Variants in ASB2 observed in about 807,000 individuals in gnomAD.
ASB2 encodes the protein ankyrin repeat and SOCS box protein 2.
Under a neutral mutation model 62.4 loss-of-function variants are expected in ASB2, and 58 were observed. The ratio of observed to expected loss-of-function variants is 0.93; its 90% CI spans 0.75 to 1.16. ASB2 has a LOEUF of 1.16. Ranked by LOEUF, ASB2 falls within the 50% of genes most tolerant of loss-of-function variation. ASB2 has a pLI of 0.00. For missense variants in ASB2, 928 were observed against 887.9 expected (o/e 1.05, Z -0.57); for synonymous variants, 386 against 385.3 (o/e 1.00, Z -0.02).
chr14:93,947,291 C>T, intron 7 of ASB2, 58 bp downstream of exon 7: 1 of 1,588,216 alleles, frequency 6.3e-7, no homozygotes, highest in Non-Finnish European at 8.6e-7. Flanking sequence ...CTCCAATCCC[C>T]TACTCCCAGT....
chr14:93,955,413 G>A (rs180838638), intron 3 of ASB2: 130 of 327,834 alleles, frequency 4.0e-4, no homozygotes, highest in Non-Finnish European at 6.7e-4. Flanking sequence ...CAGCAAGGAC[G>A]ATGGGAAACT....
chr14:93,952,505 A>G (rs906598471), intron 5 of ASB2, among the ~76,000 whole-genome samples: 1 of 152,224 alleles, frequency 6.6e-6, no homozygotes, highest in East Asian at 1.9e-4. Flanking sequence ...AATTTTTCCA[A>G]GTACAAAGGC....
rs866413902 is a variant in ASB2, at chr14:93,957,336, C to A, written c.207-466G>T. 13 of 1,040,182 alleles carry A rather than the reference C, an allele frequency of 1.2e-5. No individual in the cohort carries two copies. The African/African-American group carries it at 2.2e-4, about 18-fold the overall frequency. 64.4% of individuals were successfully genotyped at this position (1,040,182 alleles called of 1,614,324 possible). ...GGATAGGGGAGCAAAGCTGAGAAGC[C>A]AAGCTGTACCTGTGCCCCCCACGCC... On this transcript the variant is annotated intron_variant, in intron 2 of 9. Coordinates refer to ENST00000555019, the MANE Select transcript of ASB2 (RefSeq NM_001202429.2).
chr14:93,939,011 G>A lies in ASB2; in HGVS notation c.1617+97C>T, dbSNP rs557536515. 225 of 1,122,054 alleles carry A rather than the reference G, an allele frequency of 2.0e-4. 1 individual carries two copies. The African/African-American group carries it at 3.5e-3, about 17-fold the overall frequency. The allele number at this position is 1,122,054 out of a possible 1,614,324, so 69.5% of individuals were successfully genotyped here. ...CACTAGTCCACGCTGCTCCCAAGGAGCGCGAACCACCCGGCCCCGCCCGCC... is the reference window on the plus strand; with the variant it reads ...CACTAGTCCACGCTGCTCCCAAGGAACGCGAACCACCCGGCCCCGCCCGCC... On this transcript the variant is annotated intron_variant, in intron 8 of 9. Transcript: ENST00000555019.
In ASB2 at chr14:93,963,208, T is replaced by C. The variant is rs570037500; in HGVS notation, c.206+1126A>G. Reference sequence around the variant, plus strand: ...ATCGGAAAAAGTCTGTTTGTTGTTGTTGTTATTTGAGAAGGAAGCTGAGGT... The same window carrying C: ...ATCGGAAAAAGTCTGTTTGTTGTTGCTGTTATTTGAGAAGGAAGCTGAGGT... On this transcript the variant is annotated intron_variant, in intron 2 of 9. Transcript: ENST00000555019. Among the ~76,000 whole-genome samples the C allele has an allele frequency of 1.4e-4, 22 of 152,330 alleles. No homozygotes were observed. The South Asian group carries it at 2.3e-3, about 16-fold the overall frequency.
At chr14:93,942,554 C>T (rs1888566784) in intron 7 of ASB2, among the ~76,000 whole-genome samples, 1 of 152,242 alleles carries the variant, frequency 6.6e-6, no homozygotes, top group Admixed American at 6.5e-5. Context: ...GGCTCCCACT[C>T]CAGGATTCTA....
chr14:93,936,057 C>A (rs1001340583), intron 9 of ASB2, among the ~76,000 whole-genome samples: 1 of 152,088 alleles, frequency 6.6e-6, no homozygotes, highest in Non-Finnish European at 1.5e-5. Flanking sequence ...GATGGGGAAA[C>A]CCTTAGGTAA....
At chr14:93,936,881 C>G (rs59785888) in intron 9 of ASB2, among the ~76,000 whole-genome samples, 2,469 of 152,310 alleles carry the variant, frequency 0.016, 71 homozygotes, top group African/African-American at 0.057. Flanking sequence ...TGCACAGATA[C>G]CCATTTCTGT....
chr14:93,964,273 A>T, intron 2 of ASB2, 61 bp downstream of exon 2: 1 of 1,442,870 alleles, frequency 6.9e-7, no homozygotes, highest in Non-Finnish European at 9.4e-7. Context: ...AGCATTAGGG[A>T]TCTACAGTCT....
At chr14:93,973,808 T>G (rs1213571900) in intron 1 of ASB2, 1 of 152,838 alleles carries the variant, frequency 6.5e-6, no homozygotes, top group Non-Finnish European at 1.5e-5. Context: ...CTGCCATCTG[T>G]GCCAGTGACC....
intron 1 of ASB2, among the ~76,000 whole-genome samples, chr14:93,971,614 C>T (rs967305640): frequency 1.3e-5 from 2 of 152,198 alleles, no homozygotes; most frequent in African/African-American, 2.4e-5. Context: ...CAGGTCACTA[C>T]GTCCCACTGC....
At chr14:93,956,962 G>C in intron 2 of ASB2, 92 bp from the exon 3 acceptor site, 1 of 1,580,808 alleles carries the variant, frequency 6.3e-7, no homozygotes, top group Non-Finnish European at 8.6e-7. Flanking sequence ...GATGGAGGGA[G>C]AGCCAGGGAG....
At chr14:93,935,706 C>T (rs906319630) in intron 9 of ASB2, among the ~76,000 whole-genome samples, 5 of 152,282 alleles carry the variant, frequency 3.3e-5, no homozygotes, top group African/African-American at 9.6e-5. Context: ...GGAGCAAGGG[C>T]GGAGGGCCAG....
intron 5 of ASB2, among the ~76,000 whole-genome samples, chr14:93,951,854 G>A (rs1235509184): frequency 6.6e-6 from 1 of 152,234 alleles, no homozygotes; most frequent in Non-Finnish European, 1.5e-5. Flanking sequence ...TAAAATGCAC[G>A]TTGTGAGTAC....
chr14:93,942,161 C>T (rs748425714), intron 7 of ASB2: 3 of 455,638 alleles, frequency 6.6e-6, no homozygotes, highest in South Asian at 4.6e-5. Flanking sequence ...AAGGGGGTGA[C>T]CCCACCAAAC....
chr14:93,944,150 T>TG, intron 7 of ASB2: 1 of 373,738 alleles, frequency 2.7e-6, no homozygotes, highest in South Asian at 2.0e-5. Flanking sequence ...TCTCGTCAGG[T>TG]GGGGCCCAGG....
intron 7 of ASB2, chr14:93,941,176 C>A: frequency 6.2e-6 from 1 of 160,898 alleles, no homozygotes; most frequent in Non-Finnish European, 1.4e-5. Context: ...CTCTTTACCC[C>A]TTCTCTTGGC....
rs779714373 is a variant in ASB2 at position 93,956,748 on chromosome 14, C to G, written c.311+18G>C. The G allele has an allele frequency of 1.9e-6, 3 of 1,613,978 alleles. No individual in the cohort carries two copies. Among genetic ancestry groups the G allele is most frequent in the Non-Finnish European group, 1.7e-6 (2 of 1,179,958 alleles). On this transcript the variant is annotated intron_variant, in intron 3 of 9. Transcript: ENST00000555019. ...GAGTGAACTTGGATGGTCCTGGGGCCAGACAGGAGTCACTTACGCCAGCTG... is the reference window on the plus strand; with the variant it reads ...GAGTGAACTTGGATGGTCCTGGGGCGAGACAGGAGTCACTTACGCCAGCTG...
chr14:93,969,383 G>C (rs1043553010), intron 1 of ASB2, among the ~76,000 whole-genome samples: 2 of 152,244 alleles, frequency 1.3e-5, no homozygotes, highest in Non-Finnish European at 2.9e-5. Flanking sequence ...CTGGTTGTTA[G>C]CCGGGAGAGC....
Sources: allele counts gnomAD v4.1 joint callset (sites outside exome capture counted in the v4.1 genomes callset), GRCh38; gene constraint gnomAD v4.1.1; transcripts MANE v1.5; gene names NCBI Gene and HGNC (gene_info 2026-07-23, HGNC 2026-07-21).